Variants in SYNPR observed in about 807,000 individuals in gnomAD.
SYNPR encodes the protein synaptoporin.
In SYNPR, 23 loss-of-function variants were observed where a neutral mutation model predicts 32.9. The ratio of observed to expected loss-of-function variants is 0.70; its 90% CI spans 0.50 to 0.99. The LOEUF is 0.99. Ranked by LOEUF, SYNPR falls within the 50% of genes least tolerant of loss-of-function variation. SYNPR has a pLI of 0.00. For synonymous variants in SYNPR, 146 were observed against 135.9 expected (o/e 1.07, Z -0.52); for missense variants, 318 against 349.3 (o/e 0.91, Z 0.71).
chr3:63,474,422 T>C (rs759879060), intron 2 of SYNPR, among the ~76,000 whole-genome samples: 39 of 152,100 alleles, frequency 2.6e-4, no homozygotes, highest in Non-Finnish European at 8.8e-5. Context: ...ACTAACTAAA[T>C]AAGTGAGTAA....
chr3:63,610,511 G>C (rs1219642967), intron 5 of SYNPR: 1 of 700,562 alleles, frequency 1.4e-6, no homozygotes, highest in Non-Finnish European at 2.6e-6. Flanking sequence ...CTTAAGAAGA[G>C]AGAAAGGGTT....
intron 2 of SYNPR, among the ~76,000 whole-genome samples, chr3:63,377,880 C>T (rs148115831): frequency 1.8e-4 from 28 of 151,728 alleles, no homozygotes; most frequent in African/African-American, 6.5e-4. Context: ...ATTTTTTCCC[C>T]AGGACATTAA....
At chr3:63,366,716 T>C (rs2087733220) in intron 2 of SYNPR, among the ~76,000 whole-genome samples, 4 of 152,226 alleles carry the variant, frequency 2.6e-5, no homozygotes, top group Admixed American at 1.3e-4. Flanking sequence ...GTAAGAGTCA[T>C]AGTGCCATTT....
chr3:63,399,692 G>T (rs926727315), intron 2 of SYNPR, among the ~76,000 whole-genome samples: 4 of 152,128 alleles, frequency 2.6e-5, no homozygotes, highest in African/African-American at 9.7e-5. Flanking sequence ...GGTGGACCTT[G>T]CCTGTGGTAG....
intron 2 of SYNPR, among the ~76,000 whole-genome samples, chr3:63,406,905 G>A (rs2088367647): frequency 6.6e-6 from 1 of 152,120 alleles, no homozygotes; most frequent in Non-Finnish European, 1.5e-5. Flanking sequence ...TAGATTTGGT[G>A]CCCTTTGGAT....
At chr3:63,556,428 C>T (rs1180293206) in intron 3 of SYNPR, 115 bp from the exon 4 acceptor site, 3 of 781,966 alleles carry the variant, frequency 3.8e-6, no homozygotes, top group South Asian at 2.0e-5. Context: ...GTTACATAGG[C>T]ATGCACTAAA....
chr3:63,386,603 A>ACTTACTTCCTTCCTTCCTTCCTTCCTTC (rs1553875005), intron 2 of SYNPR, among the ~76,000 whole-genome samples: 2 of 149,986 alleles, frequency 1.3e-5, no homozygotes, highest in African/African-American at 5.0e-5. Flanking sequence ...GATTATATTT[A>ACTTACTTCCTTCCTTCCTTCCTTCCTTC]CTTCCTTCCT....
the SYNPR span, among the ~76,000 whole-genome samples, chr3:63,211,360 C>A: frequency 1.3e-5 from 2 of 152,186 alleles, no homozygotes; most frequent in Non-Finnish European, 2.9e-5. Flanking sequence ...AGCCACCGTG[C>A]CCGGCCAAGA....
At chr3:63,432,001 G>A (rs746521585) in intron 2 of SYNPR, among the ~76,000 whole-genome samples, 2 of 152,148 alleles carry the variant, frequency 1.3e-5, no homozygotes, top group Non-Finnish European at 2.9e-5. Context: ...GCTTCAGGCT[G>A]TGAAGAGGGA....
intron 2 of SYNPR, among the ~76,000 whole-genome samples, chr3:63,374,687 A>G (rs2107058562): frequency 6.6e-6 from 1 of 152,362 alleles, no homozygotes; most frequent in South Asian, 2.1e-4. Flanking sequence ...AGTTACATAC[A>G]TATGATATTT....
chr3:63,583,739 A>G (rs1283561973), intron 4 of SYNPR, among the ~76,000 whole-genome samples: 1 of 152,138 alleles, frequency 6.6e-6, no homozygotes, highest in Admixed American at 6.6e-5. Flanking sequence ...TTTCATCCCC[A>G]TTTTCCAACA....
Position 63,278,438 on chromosome 3 carries a change from C to G in SYNPR, c.-96C>G. ...CTCCAGGGTGTCGCTCCTCTGGCTG[C>G]TCCCGAAGGGGCTTCTGGCCCTGAG... On this transcript the variant is annotated 5_prime_UTR_variant, in exon 1 of 6. Coordinates refer to ENST00000478300, the MANE Select transcript of SYNPR (RefSeq NM_001130003.2). 18 of 1,443,856 alleles carry G rather than the reference C, an allele frequency of 1.2e-5. No homozygotes were observed. Among genetic ancestry groups the G allele is most frequent in the Non-Finnish European group, 1.7e-5 (18 of 1,084,184 alleles). 89.4% of individuals were successfully genotyped at this position (1,443,856 alleles called of 1,614,324 possible). A position where few individuals can be genotyped will look rare whatever the true frequency, so the allele number is the denominator to read the frequency against.
chr3:63,426,449 G>A (rs1037436760), intron 2 of SYNPR, among the ~76,000 whole-genome samples: 2 of 152,158 alleles, frequency 1.3e-5, no homozygotes, highest in Non-Finnish European at 1.5e-5. Flanking sequence ...AAGAAGGGGA[G>A]CTCATGATCT....
chr3:63,384,672 C>A (rs988004803), intron 2 of SYNPR, among the ~76,000 whole-genome samples: 5 of 152,138 alleles, frequency 3.3e-5, no homozygotes, highest in Non-Finnish European at 7.4e-5. Context: ...TTAAGCCTTT[C>A]CATTAATATT....
intron 4 of SYNPR, among the ~76,000 whole-genome samples, chr3:63,602,470 T>C (rs1700059508): frequency 6.6e-6 from 1 of 152,216 alleles, no homozygotes; most frequent in Admixed American, 6.5e-5. Context: ...CTAGGGTTTT[T>C]ATAGTTTTGG....
intron 3 of SYNPR, among the ~76,000 whole-genome samples, chr3:63,547,374 T>C (rs1702426287): frequency 6.6e-6 from 1 of 152,074 alleles, no homozygotes; most frequent in Non-Finnish European, 1.5e-5. Context: ...CTGTTCTCAG[T>C]CCCTACTTCG....
At chr3:63,455,672 T>C (rs1559504292) in intron 2 of SYNPR, among the ~76,000 whole-genome samples, 1 of 151,962 alleles carries the variant, frequency 6.6e-6, no homozygotes, top group Non-Finnish European at 1.5e-5. Context: ...TTGACAAGTA[T>C]GGTTGAAGAT....
intron 2 of SYNPR, among the ~76,000 whole-genome samples, chr3:63,339,707 G>A (rs996572964): frequency 2.7e-5 from 4 of 149,358 alleles, no homozygotes; most frequent in Non-Finnish European, 5.9e-5. Flanking sequence ...ACCCAGGCTT[G>A]AGTGCTGTGG....
At chr3:63,513,949 C>T (rs1701744244) in intron 3 of SYNPR, among the ~76,000 whole-genome samples, 1 of 152,158 alleles carries the variant, frequency 6.6e-6, no homozygotes, top group South Asian at 2.1e-4. Flanking sequence ...TCTGGAAGTG[C>T]CCATAATTTG....
Sources: gnomAD v4.1 joint callset for allele counts (sites outside exome capture counted in the v4.1 genomes callset) on GRCh38, gnomAD v4.1.1 for gene constraint, MANE v1.5 for transcripts, NCBI Gene and HGNC (gene_info 2026-07-23, HGNC 2026-07-21) for gene names.